Variants in PPP3R1 observed in about 807,000 individuals in gnomAD.
PPP3R1 encodes the protein protein phosphatase 3 regulatory subunit B, alpha.
Under a neutral mutation model 22.6 loss-of-function variants are expected in PPP3R1, and 5 were observed. The ratio of observed to expected loss-of-function variants is 0.22; its 90% CI spans 0.12 to 0.46. The LOEUF (loss-of-function observed/expected upper bound fraction) is 0.46. PPP3R1 is among the 20% of genes least tolerant of loss of function. PPP3R1 has a pLI of 0.99. For missense variants in PPP3R1, 61 were observed against 203.2 expected (o/e 0.30, Z 4.25); for synonymous variants, 56 against 65.2 (o/e 0.86, Z 0.68).
chr2:68,202,313 G>A (rs527903474), intron 2 of PPP3R1, among the ~76,000 whole-genome samples: 16 of 152,282 alleles, frequency 1.1e-4, no homozygotes, highest in South Asian at 4.1e-4. Context: ...CCTCATTACC[G>A]AAACTACAAA....
At chr2:68,244,917 TCA>T (rs1670206023) in intron 1 of PPP3R1, among the ~76,000 whole-genome samples, 1 of 152,240 alleles carries the variant, frequency 6.6e-6, no homozygotes. Flanking sequence ...GCTTCTGCAT[TCA>T]CAGAGTTTAC....
intron 2 of PPP3R1, among the ~76,000 whole-genome samples, chr2:68,192,078 TATTG>T (rs1465514686): frequency 6.6e-6 from 1 of 152,202 alleles, no homozygotes; most frequent in African/African-American, 2.4e-5. Flanking sequence ...ATGTAAAACT[TATTG>T]ATTAAAATTC....
rs772032454 is a variant in PPP3R1 at position 68,229,496 on chromosome 2, G to A, written c.4-12365C>T. Among the ~76,000 whole-genome samples the A allele has an allele frequency of 3.3e-5, 5 of 152,166 alleles. No homozygotes were observed. The East Asian group carries it at 5.8e-4, about 18-fold the overall frequency. ...CATTTATTGAGAAATAGGTGTTGACGTCTCCAATTATAATTTTGGACTTGT... is the reference window on the plus strand; with the variant it reads ...CATTTATTGAGAAATAGGTGTTGACATCTCCAATTATAATTTTGGACTTGT... On this transcript the variant is annotated intron_variant, in intron 1 of 5. Coordinates refer to ENST00000234310, the MANE Select transcript of PPP3R1 (RefSeq NM_000945.4).
intron 5 of PPP3R1, among the ~76,000 whole-genome samples, chr2:68,184,890 C>T (rs1337076433): frequency 6.6e-6 from 1 of 152,128 alleles, no homozygotes; most frequent in Admixed American, 6.5e-5. Flanking sequence ...GAGCTGGAGA[C>T]CAGCCTGGGC....
intron 2 of PPP3R1, 61 bp downstream of exon 2, chr2:68,217,030 AC>A: frequency 1.7e-6 from 2 of 1,208,418 alleles, no homozygotes; most frequent in Non-Finnish European, 2.3e-6. Flanking sequence ...ACACACACAC[AC>A]ACACACACAG....
intron 1 of PPP3R1, among the ~76,000 whole-genome samples, chr2:68,226,319 G>GT (rs1174234601): frequency 6.6e-6 from 1 of 152,052 alleles, no homozygotes; most frequent in Non-Finnish European, 1.5e-5. Context: ...TTTACCATAG[G>GT]TAAGTTGTAC....
At chr2:68,235,528 A>G (rs1670002937) in intron 1 of PPP3R1, among the ~76,000 whole-genome samples, 1 of 152,232 alleles carries the variant, frequency 6.6e-6, no homozygotes, top group Admixed American at 6.5e-5. Flanking sequence ...ATGTGTTGTA[A>G]CAAGTATCAA....
intron 1 of PPP3R1, among the ~76,000 whole-genome samples, chr2:68,236,909 T>C (rs1040762277): frequency 1.3e-5 from 2 of 152,096 alleles, no homozygotes; most frequent in African/African-American, 2.4e-5. Context: ...TAAAGAAGCA[T>C]TCCCTGCTCT....
At chr2:68,190,525 C>T (rs1674643367) in intron 2 of PPP3R1, among the ~76,000 whole-genome samples, 1 of 152,108 alleles carries the variant, frequency 6.6e-6, no homozygotes, top group Admixed American at 6.5e-5. Context: ...GAGATCGCGC[C>T]ATTGAACTCT....
At chr2:68,235,344 T>G (rs1327815265) in intron 1 of PPP3R1, among the ~76,000 whole-genome samples, 1 of 152,184 alleles carries the variant, frequency 6.6e-6, no homozygotes, top group Non-Finnish European at 1.5e-5. Flanking sequence ...CACAAAAGCC[T>G]GTATCTACTG....
chr2:68,196,192 A>G (rs1188241637), intron 2 of PPP3R1, among the ~76,000 whole-genome samples: 1 of 152,230 alleles, frequency 6.6e-6, no homozygotes, highest in Non-Finnish European at 1.5e-5. Context: ...TGTTATCAAC[A>G]GAAGTTACTG....
At chr2:68,207,944 T>G (rs1474241374) in intron 2 of PPP3R1, among the ~76,000 whole-genome samples, 1 of 152,098 alleles carries the variant, frequency 6.6e-6, no homozygotes, top group African/African-American at 2.4e-5. Context: ...TCGCCTGGGA[T>G]CAGGAGTTCG....
chr2:68,202,792 ATTTTTTTTTTTTTT>A (rs71395958), intron 2 of PPP3R1, among the ~76,000 whole-genome samples: 1 of 81,228 alleles, frequency 1.2e-5, no homozygotes, highest in Admixed American at 1.7e-4. Flanking sequence ...AGTTCAGGGA[ATTTTTTTTTTTTTT>A]TTTTTTTTTT....
At chr2:68,186,873 T>G (rs931045463) in intron 4 of PPP3R1, among the ~76,000 whole-genome samples, 7 of 152,242 alleles carry the variant, frequency 4.6e-5, no homozygotes, top group African/African-American at 1.7e-4. Flanking sequence ...TAGAGTAGGT[T>G]AACTATCCCT....
intron 2 of PPP3R1, among the ~76,000 whole-genome samples, chr2:68,211,095 A>T (rs1248743743): frequency 1.3e-5 from 2 of 152,168 alleles, no homozygotes; most frequent in Admixed American, 6.5e-5. Flanking sequence ...AAAACAACAC[A>T]TATACCTTAA....
chr2:68,211,722 A>G (rs1196015437), intron 2 of PPP3R1, among the ~76,000 whole-genome samples: 2 of 152,186 alleles, frequency 1.3e-5, no homozygotes, highest in Non-Finnish European at 2.9e-5. Context: ...AAGTTTATGG[A>G]ATATTCTAAA....
At chr2:68,211,071 A>G (rs1378858267) in intron 2 of PPP3R1, among the ~76,000 whole-genome samples, 1 of 152,200 alleles carries the variant, frequency 6.6e-6, no homozygotes, top group Admixed American at 6.5e-5. Flanking sequence ...AGTGTGCAAT[A>G]ACATTATGCC....
chr2:68,246,612 T>A (rs987205327), intron 1 of PPP3R1, among the ~76,000 whole-genome samples: 1 of 152,190 alleles, frequency 6.6e-6, no homozygotes, highest in Non-Finnish European at 1.5e-5. Flanking sequence ...TATTCACTGC[T>A]GACTCCTTCC....
chr2:68,190,655 A>AG (rs1486687830), intron 2 of PPP3R1, among the ~76,000 whole-genome samples: 2 of 152,190 alleles, frequency 1.3e-5, no homozygotes, highest in African/African-American at 4.8e-5. Context: ...AAACAAGTTT[A>AG]GGGGCTTTAA....
Sources: gnomAD v4.1 joint callset for allele counts (sites outside exome capture counted in the v4.1 genomes callset) on GRCh38, gnomAD v4.1.1 for gene constraint, MANE v1.5 for transcripts, NCBI Gene and HGNC (gene_info 2026-07-23, HGNC 2026-07-21) for gene names.